EPRS1: variants seen among roughly 807,000 people sequenced by gnomAD.
EPRS1 encodes the protein glutamyl-prolyl-tRNA synthetase 1, also known as bifunctional glutamate/proline--tRNA ligase.
EPRS1 carries 107 observed loss-of-function variants against 188.3 expected under a neutral mutation model. The ratio of observed to expected loss-of-function variants is 0.57; its 90% confidence interval spans 0.49 to 0.67. The LOEUF is 0.67. EPRS1 is among the 30% of genes least tolerant of loss of function. The pLI, the probability that EPRS1 is intolerant of heterozygous loss-of-function variation, is 0.00. For synonymous variants in EPRS1, 596 were observed against 593.1 expected (o/e 1.00, Z -0.07); for missense variants, 1,577 against 1,802.2 (o/e 0.88, Z 2.26).
At chr1:219,991,132 T>C (rs183087451) in intron 18 of EPRS1, among the ~76,000 whole-genome samples, 4 of 151,760 alleles carry the variant, frequency 2.6e-5, no homozygotes, top group African/African-American at 4.8e-5. Context: ...TTTTTTTTTA[T>C]TACATTCTGA....
chr1:219,985,976 G>A (rs1168884883), intron 20 of EPRS1, among the ~76,000 whole-genome samples: 1 of 152,132 alleles, frequency 6.6e-6, no homozygotes, highest in East Asian at 1.9e-4. Flanking sequence ...CAGGCACTAA[G>A]AAAGTAAAAG....
At chr1:220,019,194 A>G (rs1262331592) in intron 10 of EPRS1, 115 bp from the exon 11 acceptor site, 2 of 723,554 alleles carry the variant, frequency 2.8e-6, no homozygotes, top group Middle Eastern at 2.5e-4. Context: ...TTTGTCTAAG[A>G]GCTAGTTATA....
At chr1:220,013,345 A>C (rs970074040) in intron 12 of EPRS1, among the ~76,000 whole-genome samples, 1 of 152,370 alleles carries the variant, frequency 6.6e-6, no homozygotes, top group South Asian at 2.1e-4. Flanking sequence ...AACAAGGATC[A>C]CGGTATTGTC....
At chr1:220,036,773 A>G (rs1034046158) in intron 2 of EPRS1, among the ~76,000 whole-genome samples, 10 of 152,182 alleles carry the variant, frequency 6.6e-5, no homozygotes, top group African/African-American at 2.4e-4. Context: ...AGCAAACCCC[A>G]TGACACAAGT....
intron 26 of EPRS1, 71 bp downstream of exon 26, chr1:219,980,014 G>T: frequency 2.3e-6 from 3 of 1,311,862 alleles, no homozygotes; most frequent in South Asian, 1.4e-5. Flanking sequence ...TGTGATGACA[G>T]AAGAAATTAT....
intron 11 of EPRS1, 127 bp from the exon 12 acceptor site, chr1:220,018,635 T>C (rs1224685309): frequency 4.3e-6 from 3 of 696,086 alleles, no homozygotes; most frequent in Non-Finnish European, 7.4e-6. Flanking sequence ...TTACTTCTAG[T>C]GAAATATAAA....
chr1:219,992,731 A>G (rs576721244), intron 18 of EPRS1, among the ~76,000 whole-genome samples: 4 of 152,286 alleles, frequency 2.6e-5, no homozygotes, highest in African/African-American at 9.6e-5. Flanking sequence ...GTTCGAGACC[A>G]GCCTAACATG....
At chr1:219,993,291 T>C (rs1285921390) in intron 18 of EPRS1, among the ~76,000 whole-genome samples, 2 of 152,220 alleles carry the variant, frequency 1.3e-5, no homozygotes, top group Admixed American at 6.5e-5. Flanking sequence ...TCAGTGTTAT[T>C]ATATCTTTGG....
chr1:220,010,808 CAAAAA>C (rs34170326), intron 13 of EPRS1, 133 bp downstream of exon 13: 76 of 411,642 alleles, frequency 1.8e-4, no homozygotes, highest in South Asian at 2.3e-4. Context: ...GACTACGTCT[CAAAAA>C]AAAAAAAAAA....
intron 9 of EPRS1, among the ~76,000 whole-genome samples, chr1:220,021,668 T>A (rs911200404): frequency 6.6e-6 from 1 of 152,196 alleles, no homozygotes; most frequent in Non-Finnish European, 1.5e-5. Flanking sequence ...TGTATGCACA[T>A]ATAATCACAT....
At chr1:219,981,784 T>A (rs968876622) in intron 23 of EPRS1, among the ~76,000 whole-genome samples, 4 of 152,218 alleles carry the variant, frequency 2.6e-5, no homozygotes, top group African/African-American at 9.6e-5. Context: ...AAGGTCATGT[T>A]CTATGTTAAG....
At position 220,032,468 on chromosome 1, in the gene EPRS1, A is replaced by T; in HGVS notation, c.447T>A (p.Arg149=). 1 of 1,613,756 alleles carries T rather than the reference A, an allele frequency of 6.2e-7. No homozygotes were observed. Among genetic ancestry groups the T allele is most frequent in the Non-Finnish European group, 8.5e-7 (1 of 1,179,884 alleles). Residue 149 remains arginine (R), a synonymous_variant, in exon 5 of 32, where the codon CGT becomes CGA. Transcript: ENST00000366923. Reference sequence around the variant, plus strand: ...GCTGGGCTTCAAGAAAGCCAAACCAACGTTTTACATGAACTGGAGCTTTCT... The same window carrying T: ...GCTGGGCTTCAAGAAAGCCAAACCATCGTTTTACATGAACTGGAGCTTTCT... ...KQKKAPVHVK[R]WFGFLEAQQA...
intron 12 of EPRS1, among the ~76,000 whole-genome samples, chr1:220,013,872 T>C (rs1335650314): frequency 6.6e-6 from 1 of 152,226 alleles, no homozygotes; most frequent in Non-Finnish European, 1.5e-5. Flanking sequence ...CAATGCTATG[T>C]TTTAAAGACG....
chr1:220,041,491 G>A (rs1354792561), intron 1 of EPRS1, among the ~76,000 whole-genome samples: 1 of 152,148 alleles, frequency 6.6e-6, no homozygotes, highest in African/African-American at 2.4e-5. Context: ...CTAAAACAGT[G>A]TAAAATGGCC....
chr1:219,982,947 A>G (rs912334398), intron 22 of EPRS1, 103 bp from the exon 23 acceptor site: 3 of 1,069,264 alleles, frequency 2.8e-6, no homozygotes, highest in African/African-American at 3.1e-5. Context: ...TGCTATATCA[A>G]TTTAGGCAAG....
At chr1:219,993,162 G>A (rs1216537285) in intron 18 of EPRS1, among the ~76,000 whole-genome samples, 1 of 151,070 alleles carries the variant, frequency 6.6e-6, no homozygotes, top group Non-Finnish European at 1.5e-5. Flanking sequence ...TTGGGAGGTC[G>A]AGGCTGCAGT....
chr1:220,016,245 A>G (rs10442684), intron 12 of EPRS1, among the ~76,000 whole-genome samples: 122,030 of 151,170 alleles, frequency 0.81, 49,404 homozygotes, highest in East Asian at 0.93. Context: ...TCGGGAGGCT[A>G]AGGCAGGAGA....
chr1:220,004,263 G>A (rs1244647258), intron 16 of EPRS1, among the ~76,000 whole-genome samples: 1 of 152,070 alleles, frequency 6.6e-6, no homozygotes, highest in African/African-American at 2.4e-5. Context: ...TGAACTCCTG[G>A]CCTCAAGTAA....
At chr1:220,045,941 A>G (rs76620666) in intron 1 of EPRS1, among the ~76,000 whole-genome samples, 155 of 152,296 alleles carry the variant, frequency 1.0e-3, no homozygotes, top group African/African-American at 3.4e-3. Context: ...GAGTTGGGGG[A>G]AAAATGCTAA....
Sources: allele counts gnomAD v4.1 joint callset (sites outside exome capture counted in the v4.1 genomes callset), GRCh38; gene constraint gnomAD v4.1.1; transcripts MANE v1.5; gene names NCBI Gene and HGNC (gene_info 2026-07-23, HGNC 2026-07-21).